CCDC141: variants seen among roughly 807,000 people sequenced by gnomAD.
CCDC141 encodes coiled-coil domain containing 141, also known as coiled-coil domain-containing protein 141.
Under a neutral mutation model 181.0 loss-of-function variants are expected in CCDC141, and 168 were observed. The ratio of observed to expected loss-of-function variants is 0.93; its 90% confidence interval spans 0.82 to 1.05. The LOEUF is 1.05. Ranked by LOEUF, CCDC141 falls within the 50% of genes least tolerant of loss-of-function variation. The pLI is 0.00. For missense variants in CCDC141, 1,902 were observed against 1,788.5 expected, an observed-to-expected ratio of 1.06 and a Z score of -1.14; for synonymous variants, 666 against 642.3, an observed-to-expected ratio of 1.04 and a Z score of -0.56.
chr2:178,818,195 T>A, the CCDC141 span, among the ~76,000 whole-genome samples: 1 of 152,104 alleles, frequency 6.6e-6, no homozygotes, highest in Non-Finnish European at 1.5e-5. Context: ...CCTCCTAATG[T>A]CTAGCAATGA....
intron 17 of CCDC141, among the ~76,000 whole-genome samples, chr2:178,865,541 A>T (rs73973173): frequency 6.6e-6 from 1 of 152,226 alleles, no homozygotes; most frequent in Admixed American, 6.5e-5. Flanking sequence ...ATGCATTGAC[A>T]TCATACTGAC....
intron 5 of CCDC141, among the ~76,000 whole-genome samples, chr2:178,945,141 G>A (rs1239767970): frequency 6.6e-6 from 1 of 152,154 alleles, no homozygotes; most frequent in African/African-American, 2.4e-5. Context: ...AGAAAATAGA[G>A]AGGTTATTAA....
At chr2:179,031,099 A>G (rs1364322294) in intron 2 of CCDC141, among the ~76,000 whole-genome samples, 1 of 152,112 alleles carries the variant, frequency 6.6e-6, no homozygotes, top group Non-Finnish European at 1.5e-5. Context: ...TGAAGTTTTA[A>G]TATAAAAAAG....
chr2:178,866,376 C>T (rs771015784), intron 16 of CCDC141, among the ~76,000 whole-genome samples: 26 of 152,180 alleles, frequency 1.7e-4, no homozygotes, highest in Non-Finnish European at 3.1e-4. Context: ...ATTATTTGCA[C>T]AAAGTGAGAC....
intron 17 of CCDC141, among the ~76,000 whole-genome samples, chr2:178,859,097 G>C (rs546693547): frequency 6.6e-6 from 1 of 152,274 alleles, no homozygotes; most frequent in African/African-American, 2.4e-5. Context: ...TGTGAAATGG[G>C]ATCAAGTTCT....
Position 178,837,000 on chromosome 2 carries a change from G to T in CCDC141, c.4219C>A (p.Gln1407Lys), listed in dbSNP as rs186697492. The part of the protein sequence containing the change: ...AKSSVVSLAD[Q>K]APNFSRLLSN... ...AGGAGCCTGGAGAAATTAGGTGCCTGGTCAGCTAGGCTGACCACGCTGCTC... is the reference window on the plus strand; with the variant it reads ...AGGAGCCTGGAGAAATTAGGTGCCTTGTCAGCTAGGCTGACCACGCTGCTC... Residue 1407 changes from glutamine to lysine, a missense_variant, in exon 23 of 24, where the codon CAG becomes AAG. By Grantham distance (53) the Gln-to-Lys change is moderately conservative. Coordinates refer to ENST00000443758, the MANE Select transcript of CCDC141 (RefSeq NM_173648.4). 9.9e-6 allele frequency: 16 copies of T among 1,613,934 alleles called. No individual in the cohort carries two copies. The East Asian group carries it at 2.9e-4, about 29-fold the overall frequency.
At chr2:179,048,244 T>C (rs182673204) in intron 1 of CCDC141, among the ~76,000 whole-genome samples, 82 of 152,368 alleles carry the variant, frequency 5.4e-4, no homozygotes, top group African/African-American at 1.9e-3. Flanking sequence ...TTCAGTCCCC[T>C]GAGACAGTTT....
intron 3 of CCDC141, among the ~76,000 whole-genome samples, chr2:178,976,956 GT>G (rs1466619967): frequency 6.6e-6 from 1 of 151,982 alleles, no homozygotes; most frequent in Non-Finnish European, 1.5e-5. Flanking sequence ...CTCAGAAAAA[GT>G]TTTCCTAAAG....
chr2:179,047,624 C>T (rs1280446416), intron 1 of CCDC141, among the ~76,000 whole-genome samples: 4 of 151,866 alleles, frequency 2.6e-5, no homozygotes, highest in Non-Finnish European at 2.9e-5. Flanking sequence ...ATTTTTTATT[C>T]TTAGCATAAA....
At chr2:178,892,858 AACGTGGTGGCCTGTC>A (rs1468759567) in intron 8 of CCDC141, among the ~76,000 whole-genome samples, 2 of 152,168 alleles carry the variant, frequency 1.3e-5, no homozygotes, top group African/African-American at 4.8e-5. Flanking sequence ...TTGAACCAAA[AACGTGGTGGCCTGTC>A]ATTTTGTTCT....
At chr2:178,858,840 C>G (rs554646040) in intron 17 of CCDC141, among the ~76,000 whole-genome samples, 1 of 152,138 alleles carries the variant, frequency 6.6e-6, no homozygotes, top group South Asian at 2.1e-4. Flanking sequence ...TGTCATTAAC[C>G]TGATAACCAT....
chr2:178,928,758 A>C (rs1283114485), intron 6 of CCDC141, among the ~76,000 whole-genome samples: 1 of 152,116 alleles, frequency 6.6e-6, no homozygotes, highest in Non-Finnish European at 1.5e-5. Context: ...GGGCAAAAAC[A>C]TTTTGGAGGG....
intron 5 of CCDC141, among the ~76,000 whole-genome samples, chr2:178,957,812 A>C (rs1690225601): frequency 6.6e-6 from 1 of 152,204 alleles, no homozygotes; most frequent in Non-Finnish European, 1.5e-5. Context: ...CTGCAGTCTC[A>C]ACCTACCAGA....
In CCDC141 at chr2:178,944,533, A is replaced by G. The variant is rs1347379385; in HGVS notation, c.897+2T>C. On this transcript the variant is annotated splice_donor_variant, in intron 6 of 23. Transcript: ENST00000443758. LOFTEE classifies it high-confidence loss of function. ...TTTTAGTGTGTCTAATATATCTCTTACCTTTGCTTTTATTATCAGTTCCTC... is the reference window on the plus strand; with the variant it reads ...TTTTAGTGTGTCTAATATATCTCTTGCCTTTGCTTTTATTATCAGTTCCTC... 1.4e-6 allele frequency: 2 copies of G among 1,414,452 alleles called. No individual in the cohort carries two copies. The highest frequency in any genetic ancestry group is 2.9e-5 in the African/African-American group (2 of 69,476). The allele number at this position is 1,414,452 out of a possible 1,614,324, so 87.6% of individuals were successfully genotyped here.
Position 178,865,802 on chromosome 2 carries a change from C to A in CCDC141, c.2689G>T (p.Val897Leu). 2 of 1,595,676 alleles carry A rather than the reference C, an allele frequency of 1.3e-6. No individual in the cohort carries two copies. Among genetic ancestry groups the A allele is most frequent in the Non-Finnish European group, 1.7e-6 (2 of 1,171,434 alleles). ...TCGTCTCTCATGGCGCAGTACTCCACACTACGGGACAGGGTCCGTCCATAC... is the reference window on the plus strand; with the variant it reads ...TCGTCTCTCATGGCGCAGTACTCCAAACTACGGGACAGGGTCCGTCCATAC... ...EEYGRTLSRS[V>L]EYCAMRDEIN... Residue 897 changes from valine to leucine, a missense_variant, in exon 17 of 24, where the codon GTG becomes TTG. Physicochemically the swap from Val to Leu is conservative, Grantham distance 32. Coordinates refer to ENST00000443758, the MANE Select transcript of CCDC141 (RefSeq NM_173648.4).
intron 11 of CCDC141, among the ~76,000 whole-genome samples, chr2:178,879,559 G>C (rs1686501662): frequency 1.3e-5 from 2 of 151,926 alleles, no homozygotes; most frequent in African/African-American, 4.8e-5. Flanking sequence ...TTCCTCCATG[G>C]AGCCTTCTAA....
intron 3 of CCDC141, among the ~76,000 whole-genome samples, chr2:178,975,672 A>C (rs1691087557): frequency 6.6e-6 from 1 of 152,184 alleles, no homozygotes; most frequent in Non-Finnish European, 1.5e-5. Context: ...AATTGAACTT[A>C]GCAGTGAAAT....
chr2:179,047,191 C>G, intron 2 of CCDC141, 93 bp downstream of exon 2: 1 of 1,196,342 alleles, frequency 8.4e-7, no homozygotes, highest in Non-Finnish European at 1.1e-6. Context: ...TAAAGTGGCC[C>G]TAGGCCAGTA....
intron 2 of CCDC141, among the ~76,000 whole-genome samples, chr2:179,025,987 G>A (rs541856912): frequency 6.6e-6 from 1 of 152,170 alleles, no homozygotes; most frequent in Non-Finnish European, 1.5e-5. Flanking sequence ...AAGCAACAAA[G>A]CATTCAAGAG....
Sources: allele counts gnomAD v4.1 joint callset (sites outside exome capture counted in the v4.1 genomes callset), GRCh38; gene constraint gnomAD v4.1.1; transcripts MANE v1.5; gene names NCBI Gene and HGNC (gene_info 2026-07-23, HGNC 2026-07-21).